GLYATL2: variants seen among roughly 807,000 people sequenced by gnomAD.
GLYATL2 encodes glycine-N-acyltransferase like 2, also known as glycine N-acyltransferase-like protein 2.
Under a neutral mutation model 21.4 loss-of-function variants are expected in GLYATL2, and 25 were observed. The observed-to-expected ratio is 1.17, with a 90% CI of 0.85 to 1.63. The LOEUF (loss-of-function observed/expected upper bound fraction) is 1.63, where lower values mean the gene tolerates loss of function less well. GLYATL2 is among the 40% of genes most tolerant of loss of function. The pLI, the probability that GLYATL2 is intolerant of heterozygous loss-of-function variation, is 0.00. For missense variants in GLYATL2, 361 were observed against 343.3 expected, an observed-to-expected ratio of 1.05 and a Z score of -0.41; for synonymous variants, 114 against 118.2, an observed-to-expected ratio of 0.96 and a Z score of 0.23.
At chr11:58,868,439 C>T (rs995743967) in intron 1 of GLYATL2, among the ~76,000 whole-genome samples, 15 of 148,660 alleles carry the variant, frequency 1.0e-4, no homozygotes, top group African/African-American at 3.7e-4. Context: ...CACATTGTTA[C>T]ATTTCTTCCC....
chr11:58,907,555 G>A (rs11229688), upstream of GLYATL2: 54,863 of 357,572 alleles, frequency 0.15, 4,728 homozygotes, highest in East Asian at 0.32. Flanking sequence ...AGAAATTCAA[G>A]GTAATGACTT....
intron 1 of GLYATL2, among the ~76,000 whole-genome samples, chr11:58,893,678 T>C (rs925602008): frequency 3.3e-5 from 5 of 152,170 alleles, no homozygotes; most frequent in East Asian, 1.9e-4. Context: ...TCTTTGAATA[T>C]GCATAAGTGT....
At chr11:58,869,609 T>A (rs1854081944) in intron 1 of GLYATL2, among the ~76,000 whole-genome samples, 1 of 152,210 alleles carries the variant, frequency 6.6e-6, no homozygotes, top group Non-Finnish European at 1.5e-5. Flanking sequence ...TGCATCTAGA[T>A]GTGTTTATGT....
chr11:58,903,859 C>A (rs1437722073), intron 1 of GLYATL2, among the ~76,000 whole-genome samples: 3 of 152,096 alleles, frequency 2.0e-5, no homozygotes, highest in African/African-American at 7.2e-5. Context: ...TGTTGAGTGT[C>A]CACTTCTCTC....
chr11:58,895,922 C>T (rs910065186), intron 1 of GLYATL2, among the ~76,000 whole-genome samples: 19 of 151,342 alleles, frequency 1.3e-4, no homozygotes, highest in Admixed American at 1.2e-3. Flanking sequence ...GGCACGATCT[C>T]GGCTCACTGC....
At chr11:58,842,507 T>C (rs1853571863) in intron 1 of GLYATL2, among the ~76,000 whole-genome samples, 1 of 151,404 alleles carries the variant, frequency 6.6e-6, no homozygotes, top group Non-Finnish European at 1.5e-5. Context: ...TGTGTGTGTG[T>C]GTGTGTGTGT....
In GLYATL2 at chr11:58,843,588, C is replaced by T. The variant is rs202064636; in HGVS notation, c.-41+846G>A. Among the ~76,000 whole-genome samples the T allele has an allele frequency of 4.6e-5, 7 of 152,046 alleles. No individual in the cohort carries two copies. In the East Asian group the frequency reaches 1.4e-3, roughly 29 times the overall value. On this transcript the variant is annotated intron_variant, in intron 1 of 5. Coordinates refer to ENST00000287275, the MANE Select transcript of GLYATL2 (RefSeq NM_145016.4). ...AATATATAGAAATGAGAGATTGAAACTTACAAACTGTAGCATCCAGGAGAG... is the reference window on the plus strand; with the variant it reads ...AATATATAGAAATGAGAGATTGAAATTTACAAACTGTAGCATCCAGGAGAG...
At chr11:58,857,289 AC>A (rs1235667246) in intron 1 of GLYATL2, among the ~76,000 whole-genome samples, 1 of 144,424 alleles carries the variant, frequency 6.9e-6, no homozygotes, top group Admixed American at 7.0e-5. Context: ...TAAGAAAAAA[AC>A]CCATTAATTA....
intron 1 of GLYATL2, among the ~76,000 whole-genome samples, chr11:58,867,514 G>T (rs1302361300): frequency 3.4e-5 from 5 of 148,794 alleles, no homozygotes; most frequent in Admixed American, 2.8e-4. Context: ...GACCTGTAGA[G>T]TCCCAAAAGA....
chr11:58,858,394 C>T (rs1344234380), intron 1 of GLYATL2, among the ~76,000 whole-genome samples: 1 of 152,056 alleles, frequency 6.6e-6, no homozygotes, highest in African/African-American at 2.4e-5. Context: ...TTTTCTGTAA[C>T]TTTAAATTTA....
chr11:58,851,581 A>G (rs1241244908), intron 1 of GLYATL2, among the ~76,000 whole-genome samples: 1 of 152,226 alleles, frequency 6.6e-6, no homozygotes, highest in Non-Finnish European at 1.5e-5. Context: ...AAAACAAAAA[A>G]GATAGACAAT....
intron 1 of GLYATL2, among the ~76,000 whole-genome samples, chr11:58,903,397 G>T (rs1036830102): frequency 2.1e-4 from 32 of 151,996 alleles, no homozygotes; most frequent in African/African-American, 7.5e-4. Flanking sequence ...CTCAGGCCTG[G>T]TGCAGTGGCT....
At chr11:58,878,943 A>G (rs1163253852) in intron 1 of GLYATL2, among the ~76,000 whole-genome samples, 2 of 152,194 alleles carry the variant, frequency 1.3e-5, no homozygotes, top group East Asian at 3.8e-4. Context: ...GTTGGGCAGT[A>G]CAGGGTGTCA....
upstream of GLYATL2, among the ~76,000 whole-genome samples, chr11:58,848,977 T>C (rs902382179): frequency 2.0e-5 from 3 of 151,978 alleles, no homozygotes; most frequent in Non-Finnish European, 4.4e-5. Context: ...TAACATACAA[T>C]GGAGATACAA....
chr11:58,906,634 T>A (rs1040297964), upstream of GLYATL2, among the ~76,000 whole-genome samples: 12 of 152,114 alleles, frequency 7.9e-5, no homozygotes, highest in African/African-American at 2.9e-4. Flanking sequence ...GCAAGGTGCA[T>A]TTCTCCCCGG....
rs546153370 is a variant in GLYATL2 at position 58,884,014 on chromosome 11, A to G, written n.60+20142T>C. On this transcript the variant is annotated intron_variant and non_coding_transcript_variant, in intron 1 of 4. Coordinates refer to the GLYATL2 transcript ENST00000533636. ...CAGAAAAAGCCTTCGACAAAATTCA[A>G]CAGTCCTTCACGCTAAAAACTCTCA... 4.6e-5 allele frequency among the ~76,000 whole-genome samples: 7 copies of G among 152,342 alleles called. No individual in the cohort carries two copies. In the South Asian group the frequency reaches 1.2e-3, roughly 27 times the overall value.
upstream of GLYATL2, among the ~76,000 whole-genome samples, chr11:58,847,225 G>A (rs1422535344): frequency 2.6e-5 from 4 of 152,164 alleles, no homozygotes; most frequent in Non-Finnish European, 5.9e-5. Flanking sequence ...CCTTGCGTGA[G>A]CATCTGAGGA....
chr11:58,866,993 A>T (rs1221663756), intron 1 of GLYATL2, among the ~76,000 whole-genome samples: 1 of 148,912 alleles, frequency 6.7e-6, no homozygotes, highest in Non-Finnish European at 1.5e-5. Context: ...AATGAAGGAT[A>T]TTGATATGAA....
chr11:58,866,783 TAAAA>T (rs1854030060), intron 1 of GLYATL2, among the ~76,000 whole-genome samples: 2 of 149,220 alleles, frequency 1.3e-5, no homozygotes, highest in South Asian at 4.3e-4. Context: ...AAGGTAACTT[TAAAA>T]GAATTTATTA....
Sources: gnomAD v4.1 joint callset for allele counts (sites outside exome capture counted in the v4.1 genomes callset) on GRCh38, gnomAD v4.1.1 for gene constraint, MANE v1.5 for transcripts, NCBI Gene and HGNC (gene_info 2026-07-23, HGNC 2026-07-21) for gene names.